Variants in TUBB3 observed in about 807,000 individuals in gnomAD.
TUBB3 encodes the protein tubulin beta 3 class III, also known as tubulin beta-3 chain.
TUBB3 carries 17 observed loss-of-function variants against 37.8 expected under a neutral mutation model. That is an observed-to-expected ratio of 0.45 (90% confidence interval 0.31 to 0.67). The LOEUF (loss-of-function observed/expected upper bound fraction) is 0.67. Among genes scored for constraint, TUBB3 ranks in the 30% least tolerant of loss-of-function variants. The pLI, the probability that TUBB3 is intolerant of heterozygous loss-of-function variation, is 0.07. For synonymous variants in TUBB3, 332 were observed against 278.9 expected, an observed-to-expected ratio of 1.19 and a Z score of -1.90; for missense variants, 262 against 657.9, an observed-to-expected ratio of 0.40 and a Z score of 6.58.
intron 1 of TUBB3, among the ~76,000 whole-genome samples, chr16:89,929,573 A>G (rs909184135): frequency 6.6e-6 from 1 of 152,226 alleles, no homozygotes; most frequent in Non-Finnish European, 1.5e-5. Context: ...TGCACGTGAG[A>G]AAATCTCAAC....
Position 89,935,087 on chromosome 16 carries a change from C to T in TUBB3, c.636C>T (p.Phe212=), listed in dbSNP as rs755467934. 6.2e-7 allele frequency: 1 copy of T among 1,614,222 alleles called. No homozygotes were observed. ...ACGAGGCGCTCTACGACATCTGCTT[C>T]CGCACCCTCAAGCTGGCCACGCCCA... ...IDNEALYDIC[F]RTLKLATPTY... Residue 212 remains phenylalanine, a synonymous_variant, in exon 4 of 4, where the codon TTC becomes TTT. Coordinates refer to ENST00000315491, the MANE Select transcript of TUBB3 (RefSeq NM_006086.4).
rs2030448271 is a variant in TUBB3 at position 89,936,072 on chromosome 16, T to TA, written c.*271dup. ...TGTTTATATTTTCGGGGATACTTAA[T>TA]AAATCTATTGCTGTCAGATACCCTT... On this transcript the variant is annotated 3_prime_UTR_variant, in exon 4 of 4. Transcript: ENST00000315491. 1.1e-5 allele frequency: 6 copies of TA among 567,004 alleles called. No homozygotes were observed. The highest frequency in any genetic ancestry group is 1.9e-5 in the Non-Finnish European group (6 of 317,728). The allele number at this position is 567,004 out of a possible 1,614,324, so 35.1% of individuals were successfully genotyped here.
At chr16:89,930,861 T>G (rs1258891944) in intron 1 of TUBB3, among the ~76,000 whole-genome samples, 1 of 150,544 alleles carries the variant, frequency 6.6e-6, no homozygotes, top group East Asian at 1.9e-4. Context: ...GGTGTCTCAC[T>G]CTGTCGCCCA....
At position 89,935,651 on chromosome 16, in the gene TUBB3, C is replaced by T. The variant is rs144689076; in HGVS notation, c.1200C>T (p.Gly400=). 4.5e-5 allele frequency: 72 copies of T among 1,613,624 alleles called. No homozygotes were observed. Among genetic ancestry groups the T allele is most frequent in the Non-Finnish European group, 5.4e-5 (64 of 1,179,904 alleles). Residue 400 remains glycine, a synonymous_variant, in exon 4 of 4, where the codon GGC becomes GGT. Transcript: ENST00000315491. The stretch of plus-strand genomic sequence containing the variant: ...AGGCCTTCCTGCACTGGTACACGGG[C>T]GAGGGCATGGACGAGATGGAGTTCA... The part of the protein sequence containing the change: ...RRKAFLHWYT[G]EGMDEMEFTE...
chr16:89,923,358 G>T lies in TUBB3; in HGVS notation c.-44G>T. 1 of 1,432,658 alleles carries T rather than the reference G, an allele frequency of 7.0e-7. No individual in the cohort carries two copies. The highest frequency in any genetic ancestry group is 9.2e-7 in the Non-Finnish European group (1 of 1,086,464). 88.7% of individuals were successfully genotyped at this position (1,432,658 alleles called of 1,614,324 possible). ...TCCCCGACCCTCAGCAGCCAGCCCG[G>T]CCCGCCCGCGCCCGTCCGCAGCCGC... On this transcript the variant is annotated 5_prime_UTR_variant, in exon 1 of 4. Coordinates refer to ENST00000315491, the MANE Select transcript of TUBB3 (RefSeq NM_006086.4).
chr16:89,930,989 G>A (rs572470034), intron 1 of TUBB3, among the ~76,000 whole-genome samples: 7 of 152,076 alleles, frequency 4.6e-5, no homozygotes, highest in East Asian at 1.9e-4. Context: ...CACCATTCCC[G>A]GCTAATTTTT....
chr16:89,934,312 C>T (rs1211303785), intron 3 of TUBB3: 2 of 476,630 alleles, frequency 4.2e-6, no homozygotes, highest in South Asian at 3.1e-5. Context: ...CGCTTCACTT[C>T]TGCCTTCCCG....
chr16:89,927,706 C>G (rs2030135274), intron 1 of TUBB3, among the ~76,000 whole-genome samples: 1 of 152,242 alleles, frequency 6.6e-6, no homozygotes, highest in Non-Finnish European at 1.5e-5. Flanking sequence ...GATGTGGGCA[C>G]CATTCACACG....
intron 1 of TUBB3, 22 bp downstream of exon 1, chr16:89,923,480 T>C (rs1280910538): frequency 2.1e-6 from 3 of 1,438,980 alleles, no homozygotes; most frequent in South Asian, 2.8e-5. Context: ...CGCCCCGGCC[T>C]GTCCCGGGCC....
Position 89,935,546 on chromosome 16 carries a change from C to T in TUBB3, c.1095C>T (p.Ser365=), listed in dbSNP as rs2030425830. ...DIPPRGLKMS[S]TFIGNSTAIQ... ...CGCCCCGCGGCCTCAAGATGTCCTC[C>T]ACCTTCATCGGGAACAGCACGGCCA... The change falls in exon 4 of 4, where the codon TCC becomes TCT. Residue 365 remains serine, a synonymous_variant. Coordinates refer to ENST00000315491, the MANE Select transcript of TUBB3 (RefSeq NM_006086.4). 6 of 1,614,152 alleles carry T rather than the reference C, an allele frequency of 3.7e-6. No individual in the cohort carries two copies. In the East Asian group the frequency reaches 1.1e-4, roughly 30 times the overall value.
At chr16:89,927,904 C>T (rs2030143848) in intron 1 of TUBB3, among the ~76,000 whole-genome samples, 1 of 152,162 alleles carries the variant, frequency 6.6e-6, no homozygotes, top group African/African-American at 2.4e-5. Flanking sequence ...TTGTGGGTTC[C>T]CTGGAACCAT....
At chr16:89,925,966 A>G (rs947330716) in intron 1 of TUBB3, among the ~76,000 whole-genome samples, 77 of 152,256 alleles carry the variant, frequency 5.1e-4, no homozygotes, top group Admixed American at 1.3e-3. Context: ...GCGGGGATGC[A>G]GTAAGCCGGG....
chr16:89,932,963 G>A, intron 2 of TUBB3: 1 of 531,286 alleles, frequency 1.9e-6, no homozygotes, highest in South Asian at 2.0e-5. Context: ...CAGAGACTTT[G>A]GAGGCCATAA....
At chr16:89,934,266 C>T (rs1353901191) in intron 3 of TUBB3, 20 of 462,272 alleles carry the variant, frequency 4.3e-5, no homozygotes, top group Admixed American at 1.4e-4. Context: ...TGTCCTGGGG[C>T]GGGGCCGTGG....
chr16:89,925,666 G>GGC (rs940356592), intron 1 of TUBB3, among the ~76,000 whole-genome samples: 34 of 152,258 alleles, frequency 2.2e-4, no homozygotes, highest in African/African-American at 7.9e-4. Context: ...CGGGGGCGGG[G>GGC]GCGGCAAGAG....
Position 89,935,444 on chromosome 16 carries a change from G to A in TUBB3, c.993G>A (p.Leu331=), listed in dbSNP as rs61743716. Residue 331 remains leucine (L), a synonymous_variant, in exon 4 of 4, where the codon CTG becomes CTA. Coordinates refer to ENST00000315491, the MANE Select transcript of TUBB3 (RefSeq NM_006086.4). ...MSMKEVDEQM[L]AIQSKNSSYF... ...TGAAGGAGGTGGACGAGCAGATGCT[G>A]GCCATCCAGAGCAAGAACAGCAGCT... The A allele has an allele frequency of 4.3e-5, 69 of 1,614,112 alleles. No homozygotes were observed. Among genetic ancestry groups the A allele is most frequent in the Non-Finnish European group, 5.7e-5 (67 of 1,180,060 alleles).
chr16:89,928,496 T>C (rs2030164814), intron 1 of TUBB3, among the ~76,000 whole-genome samples: 1 of 150,612 alleles, frequency 6.6e-6, no homozygotes, highest in South Asian at 2.1e-4. Context: ...GTAGCTGGGA[T>C]TACAGGCACC....
rs751865819 is a variant in TUBB3 at position 89,932,663 on chromosome 16, C to T, written c.150C>T (p.Tyr50=). Residue 50 remains tyrosine (Y), a synonymous_variant, in exon 2 of 4, where the codon TAC becomes TAT. Transcript: ENST00000315491. The part of the protein sequence containing the change: ...SDLQLERISV[Y]YNEASSHKYV... ...TGCAGCTGGAGCGGATCAGCGTCTA[C>T]TACAACGAGGCCTCTTGTGAGTGCC... is the stretch of plus-strand genomic sequence containing the variant. 7 of 1,613,890 alleles carry T rather than the reference C, an allele frequency of 4.3e-6. No individual in the cohort carries two copies. The highest frequency in any genetic ancestry group is 3.3e-5 in the South Asian group (3 of 91,088).
In TUBB3 at chr16:89,934,846, G is replaced by T; in HGVS notation, c.395G>T (p.Gly132Val). ...TGTGAAAACTGCGACTGCCTGCAGG[G>T]CTTCCAGCTGACCCACTCGCTGGGG... ...KECENCDCLQ[G>V]FQLTHSLGGG... is the part of the protein sequence containing the mutation. Residue 132 changes from glycine to valine, a missense_variant, in exon 4 of 4, where the codon GGC becomes GTC. Gly to Val is a moderately radical substitution (Grantham distance 109). Transcript: ENST00000315491. The T allele has an allele frequency of 6.2e-7, 1 of 1,614,162 alleles. No individual in the cohort carries two copies. Among genetic ancestry groups the T allele is most frequent in the Non-Finnish European group, 8.5e-7 (1 of 1,180,028 alleles).
Sources: allele counts gnomAD v4.1 joint callset (sites outside exome capture counted in the v4.1 genomes callset), GRCh38; gene constraint gnomAD v4.1.1; transcripts MANE v1.5; gene names NCBI Gene and HGNC (gene_info 2026-07-23, HGNC 2026-07-21).